The following ZSCAN4 variants were observed in gnomAD, a reference collection of about 807,000 sequenced individuals.
ZSCAN4 encodes the protein zinc finger and SCAN domain-containing protein 4.
A neutral mutation model predicts 18.3 loss-of-function variants in ZSCAN4; 18 were observed. The observed-to-expected ratio is 0.98, with a 90% CI of 0.68 to 1.46. The LOEUF is 1.46. Ranked by LOEUF, ZSCAN4 falls within the 40% of genes most tolerant of loss-of-function variation. The probability of loss-of-function intolerance (pLI) is 0.00; values close to 1 mark genes in which losing one functional copy is unlikely to be tolerated. For synonymous variants in ZSCAN4, 193 were observed against 180.3 expected, an observed-to-expected ratio of 1.07 and a Z score of -0.57; for missense variants, 498 against 511.4, an observed-to-expected ratio of 0.97 and a Z score of 0.25.
chr19:57,672,434 A>C (rs1056407808), intron 2 of ZSCAN4, among the ~76,000 whole-genome samples: 5 of 151,902 alleles, frequency 3.3e-5, no homozygotes, highest in African/African-American at 1.2e-4. Flanking sequence ...TATTTCATTC[A>C]CTTCTTTCTC....
chr19:57,674,351 A>G (rs1413923904), intron 2 of ZSCAN4, among the ~76,000 whole-genome samples: 1 of 152,156 alleles, frequency 6.6e-6, no homozygotes, highest in East Asian at 1.9e-4. Flanking sequence ...AGTCCCCAGC[A>G]TCTGTTATTT....
the ZSCAN4 span, among the ~76,000 whole-genome samples, chr19:57,656,247 T>C: frequency 6.6e-6 from 1 of 152,296 alleles, no homozygotes; most frequent in Non-Finnish European, 1.5e-5. Context: ...CTCAGCAGCC[T>C]GGCAGGTGGC....
At chr19:57,653,191 C>T in the ZSCAN4 span, among the ~76,000 whole-genome samples, 28,192 of 152,018 alleles carry the variant, frequency 0.19, 3,360 homozygotes, top group African/African-American at 0.34. Flanking sequence ...AAATCCTGCT[C>T]TTAACCAGCC....
intron 2 of ZSCAN4, among the ~76,000 whole-genome samples, chr19:57,673,867 G>A (rs1984099142): frequency 6.6e-6 from 1 of 151,946 alleles, no homozygotes; most frequent in African/African-American, 2.4e-5. Flanking sequence ...CATTCTCCTT[G>A]CTCAGCCTCC....
upstream of ZSCAN4, chr19:57,664,769 C>A: frequency 4.6e-6 from 1 of 218,518 alleles, no homozygotes; most frequent in South Asian, 8.2e-5. Context: ...AATCCCTGGT[C>A]CACAAACGTA....
At chr19:57,678,964 TTATC>T (rs1417842003) in exon 5 of ZSCAN4, 6 of 1,484,780 alleles carry the variant, frequency 4.0e-6, no homozygotes, top group Non-Finnish European at 5.4e-6. Flanking sequence ...CCTATAGTAT[TTATC>T]TACTTAGGAT....
upstream of ZSCAN4, among the ~76,000 whole-genome samples, chr19:57,666,803 A>G (rs1983861909): frequency 6.6e-6 from 1 of 152,212 alleles, no homozygotes; most frequent in Admixed American, 6.5e-5. Context: ...GTGAGCCAAG[A>G]TCGTGCCACT....
chr19:57,657,293 C>CCAA, the ZSCAN4 span, among the ~76,000 whole-genome samples: 6 of 95,084 alleles, frequency 6.3e-5, no homozygotes, highest in Admixed American at 4.5e-4. Context: ...GACTCCATGT[C>CCAA]AAAAAAAAAA....
At chr19:57,667,867 T>C (rs918485185), upstream of ZSCAN4, among the ~76,000 whole-genome samples, 8 of 130,784 alleles carry the variant, frequency 6.1e-5, no homozygotes, top group Admixed American at 2.3e-4. Flanking sequence ...ATTGTCTACA[T>C]TTTTCATTGT....
At chr19:57,672,529 C>A (rs9749624) in intron 2 of ZSCAN4, among the ~76,000 whole-genome samples, 17,046 of 151,754 alleles carry the variant, frequency 0.11, 1,352 homozygotes, top group African/African-American at 0.23. Context: ...ACTTCTCTCT[C>A]TATATATATG....
At chr19:57,664,355 GGGCGC>G (rs1306318996), upstream of ZSCAN4, 3 of 153,074 alleles carry the variant, frequency 2.0e-5, no homozygotes, top group Non-Finnish European at 4.4e-5. Flanking sequence ...CGAGGAGCTG[GGGCGC>G]GGCGCGGGGC....
intron 2 of ZSCAN4, among the ~76,000 whole-genome samples, chr19:57,672,173 T>C (rs1305656370): frequency 6.6e-6 from 1 of 152,038 alleles, no homozygotes; most frequent in Non-Finnish European, 1.5e-5. Flanking sequence ...TAAACATCAG[T>C]AGGAAAGGAC....
the ZSCAN4 span, among the ~76,000 whole-genome samples, chr19:57,656,201 T>C: frequency 6.6e-6 from 1 of 152,026 alleles, no homozygotes; most frequent in South Asian, 2.1e-4. Flanking sequence ...ACCAGAGAGC[T>C]ACAGATGCCA....
upstream of ZSCAN4, among the ~76,000 whole-genome samples, chr19:57,665,203 A>G (rs115491278): frequency 0.016 from 2,500 of 152,306 alleles, 69 homozygotes; most frequent in African/African-American, 0.057. Flanking sequence ...GTAATTGCAT[A>G]TTGCACTCTG....
At chr19:57,656,892 T>G in the ZSCAN4 span, among the ~76,000 whole-genome samples, 1 of 151,978 alleles carries the variant, frequency 6.6e-6, no homozygotes, top group Admixed American at 6.6e-5. Flanking sequence ...GAGGCTGAGA[T>G]GGAAGGATCA....
At chr19:57,671,530 T>TGTC (rs1473019136) in intron 2 of ZSCAN4, among the ~76,000 whole-genome samples, 3 of 147,782 alleles carry the variant, frequency 2.0e-5, no homozygotes, top group African/African-American at 7.4e-5. Flanking sequence ...GAGAGACCAA[T>TGTC]GTCCCTGGAT....
the ZSCAN4 span, among the ~76,000 whole-genome samples, chr19:57,654,424 A>G: frequency 6.6e-6 from 1 of 152,036 alleles, no homozygotes; most frequent in Non-Finnish European, 1.5e-5. Flanking sequence ...GCAGCATACC[A>G]CACCCCAGAC....
exon 5 of ZSCAN4, chr19:57,678,541 A>T: frequency 6.2e-6 from 10 of 1,614,146 alleles, no homozygotes; most frequent in Non-Finnish European, 8.5e-6. Context: ...AAATCATACA[A>T]ATGTGAAGAA....
At chr19:57,676,564 T>C in intron 3 of ZSCAN4, 23 bp downstream of exon 3, 3 of 1,571,896 alleles carry the variant, frequency 1.9e-6, no homozygotes, top group Non-Finnish European at 2.6e-6. Flanking sequence ...TTCTAACTTC[T>C]GGGATGAGAG....
Sources: allele counts gnomAD v4.1 joint callset (sites outside exome capture counted in the v4.1 genomes callset), GRCh38; gene constraint gnomAD v4.1.1; transcripts MANE v1.5; gene names NCBI Gene and HGNC (gene_info 2026-07-23, HGNC 2026-07-21).